BIRC5: variants seen among roughly 807,000 people sequenced by gnomAD.
The protein encoded by BIRC5 is baculoviral IAP repeat-containing protein 5.
A neutral mutation model predicts 15.8 loss-of-function variants in BIRC5; 8 were observed. The ratio of observed to expected loss-of-function variants is 0.51; its 90% confidence interval spans 0.30 to 0.91. The LOEUF (loss-of-function observed/expected upper bound fraction) is 0.91, where lower values mean the gene tolerates loss of function less well. Ranked by LOEUF, BIRC5 falls within the 40% of genes least tolerant of loss-of-function variation. The pLI is 0.07. For missense variants in BIRC5, 163 were observed against 178.6 expected (o/e 0.91, Z 0.50); for synonymous variants, 56 against 64.5 (o/e 0.87, Z 0.63).
chr17:78,221,985 C>T (rs774744226), intron 3 of BIRC5, among the ~76,000 whole-genome samples: 5 of 151,400 alleles, frequency 3.3e-5, no homozygotes, highest in African/African-American at 4.9e-5. Context: ...TTCATTGAGC[C>T]CAGGAGTTTT....
chr17:78,216,248 C>CA lies in BIRC5; in HGVS notation c.222-400dup, dbSNP rs55850455. 3.9e-3 allele frequency: 354 copies of CA among 89,698 alleles called. 1 individual carries two copies. Among genetic ancestry groups the CA allele is most frequent in the Middle Eastern group, 0.018 (2 of 112 alleles). 5.6% of individuals were successfully genotyped at this position (89,698 alleles called of 1,614,324 possible). On this transcript the variant is annotated intron_variant, in intron 2 of 3. Transcript: ENST00000350051. ...TGGGCGACAGAATGAGACTCCGTCT[C>CA]AAAAAAAAAAAAAAAAGAAAAAAAT...
Position 78,221,158 on chromosome 17 carries a change from T to C in BIRC5, c.340-2307T>C, listed in dbSNP as rs527909284. Among the ~76,000 whole-genome samples the C allele has an allele frequency of 7.2e-5, 11 of 152,370 alleles. 2 individuals are homozygous for C. The South Asian group carries it at 2.3e-3, about 32-fold the overall frequency. ...TAATGTGGAAATAAACTGAACAACT[T>C]AGTTCTTCATAAGAGTTTACTTGGT... On this transcript the variant is annotated intron_variant, in intron 3 of 3. Transcript: ENST00000350051.
At chr17:78,217,305 A>C (rs1333957946) in intron 3 of BIRC5, among the ~76,000 whole-genome samples, 3 of 150,800 alleles carry the variant, frequency 2.0e-5, no homozygotes, top group Admixed American at 6.6e-5. Flanking sequence ...CCTCCCAAGT[A>C]GCCGAGATTA....
At chr17:78,218,172 G>A (rs1446481107) in intron 3 of BIRC5, among the ~76,000 whole-genome samples, 2 of 151,542 alleles carry the variant, frequency 1.3e-5, no homozygotes, top group East Asian at 1.9e-4. Flanking sequence ...GAGTGTGGCC[G>A]GTATAAGTAT....
chr17:78,218,684 G>C (rs1293603524), intron 3 of BIRC5, among the ~76,000 whole-genome samples: 8 of 144,534 alleles, frequency 5.5e-5, no homozygotes, highest in East Asian at 2.1e-4. Context: ...CTCACTACAA[G>C]CTCCGCCTCC....
intron 3 of BIRC5, among the ~76,000 whole-genome samples, chr17:78,217,752 C>A (rs923138437): frequency 6.0e-4 from 92 of 152,066 alleles, no homozygotes; most frequent in Middle Eastern, 3.4e-3. Flanking sequence ...CTGCCTCGGC[C>A]TCCCAAAGTG....
chr17:78,216,841 C>T, intron 3 of BIRC5, 60 bp downstream of exon 3: 3 of 1,321,166 alleles, frequency 2.3e-6, no homozygotes, highest in East Asian at 4.7e-5. Flanking sequence ...ACTAAACTAC[C>T]TAGTCCCTCA....
In BIRC5 at chr17:78,214,275, A is replaced by G. The variant is rs1481884677; in HGVS notation, c.-42A>G. 1 of 1,559,730 alleles carries G rather than the reference A, an allele frequency of 6.4e-7. No individual in the cohort carries two copies. Among genetic ancestry groups the G allele is most frequent in the East Asian group, 2.3e-5 (1 of 43,078 alleles). On this transcript the variant is annotated 5_prime_UTR_variant, in exon 1 of 4. Transcript: ENST00000350051. ...CCCGCGGCGCGCCATTAACCGCCAG[A>G]TTTGAATCGCGGGACCCGTTGGCAG...
chr17:78,219,754 G>A (rs1039907178), intron 3 of BIRC5, among the ~76,000 whole-genome samples: 3 of 152,170 alleles, frequency 2.0e-5, no homozygotes, highest in African/African-American at 7.2e-5. Flanking sequence ...CAACCTTTTA[G>A]AAACATAAAA....
intron 3 of BIRC5, among the ~76,000 whole-genome samples, chr17:78,218,833 C>T (rs1295476117): frequency 6.6e-6 from 1 of 152,106 alleles, no homozygotes; most frequent in East Asian, 1.9e-4. Flanking sequence ...TCTCAAACTC[C>T]TGACCTCAAG....
At position 78,214,364 on chromosome 17, in the gene BIRC5, C is replaced by G. The variant is rs1275907530; in HGVS notation, c.48C>G (p.Asp16Glu). Reference protein sequence around the residue: ...LPPAWQPFLKDHRISTFKNWP... With the variant: ...LPPAWQPFLKEHRISTFKNWP... ...CTGCCTGGCAGCCCTTTCTCAAGGA[C>G]CACCGCATCTCTACATTCAAGAACT... The change falls in exon 1 of 4, where the codon GAC becomes GAG. Residue 16 changes from aspartate to glutamate, a missense_variant. Asp to Glu is a conservative substitution (Grantham distance 45). Coordinates refer to ENST00000350051, the MANE Select transcript of BIRC5 (RefSeq NM_001168.3). 1 of 1,608,456 alleles carries G rather than the reference C, an allele frequency of 6.2e-7. No homozygotes were observed. Among genetic ancestry groups the G allele is most frequent in the Non-Finnish European group, 8.5e-7 (1 of 1,177,804 alleles).
intron 3 of BIRC5, among the ~76,000 whole-genome samples, chr17:78,222,498 C>G (rs577002973): frequency 2.0e-5 from 3 of 151,898 alleles, no homozygotes; most frequent in Admixed American, 6.6e-5. Flanking sequence ...GAGACCCCAT[C>G]TCTACTAAAA....
At position 78,220,744 on chromosome 17, in the gene BIRC5, C is replaced by T. The variant is rs1036739187; in HGVS notation, c.340-2721C>T. 4.6e-5 allele frequency among the ~76,000 whole-genome samples: 7 copies of T among 151,842 alleles called. No individual in the cohort carries two copies. The East Asian group carries it at 7.7e-4, about 17-fold the overall frequency. On this transcript the variant is annotated intron_variant, in intron 3 of 3. Transcript: ENST00000350051. ...TCTTTTTTTTGTTGTTTTTTTGAGA[C>T]GGGGTCTTACTCTGTCACCCAGGCT... is the stretch of plus-strand genomic sequence containing the variant.
At chr17:78,217,749 G>A (rs562477300) in intron 3 of BIRC5, among the ~76,000 whole-genome samples, 19 of 146,790 alleles carry the variant, frequency 1.3e-4, no homozygotes, top group Non-Finnish European at 2.6e-4. Flanking sequence ...TGCCTGCCTC[G>A]GCCTCCCAAA....
rs1029124721 is a variant in BIRC5, at chr17:78,225,487, C to T, written c.*1933C>T. 1.1e-4 allele frequency: 16 copies of T among 152,308 alleles called. No homozygotes were observed. The highest frequency in any genetic ancestry group is 2.4e-4 in the African/African-American group (10 of 41,544). 9.4% of individuals were successfully genotyped at this position (152,308 alleles called of 1,614,324 possible). On this transcript the variant is annotated 3_prime_UTR_variant, in exon 4 of 4. Coordinates refer to ENST00000350051, the MANE Select transcript of BIRC5 (RefSeq NM_001168.3). ...GTTCCAATGGCAGGTTAGAGCCCCT[C>T]GGGCCAACTGCCATCCTGGAAAGTA...
chr17:78,215,851 C>G (rs1241864354), intron 2 of BIRC5: 1 of 1,045,006 alleles, frequency 9.6e-7, no homozygotes, highest in African/African-American at 1.7e-5. Context: ...GTTCTGGTAA[C>G]GGTGATAGTC....
intron 3 of BIRC5, among the ~76,000 whole-genome samples, chr17:78,221,025 G>A (rs1407687640): frequency 6.6e-6 from 1 of 152,232 alleles, no homozygotes; most frequent in East Asian, 1.9e-4. Flanking sequence ...GGCCATCCAG[G>A]GCGATGCATT....
chr17:78,214,343 C>T lies in BIRC5; in HGVS notation c.27C>T (p.Ala9=), dbSNP rs1464124857. The part of the protein sequence containing the change: MGAPTLPP[A]WQPFLKDHRI... Reference sequence around the variant, plus strand: ...TGGGTGCCCCGACGTTGCCCCCTGCCTGGCAGCCCTTTCTCAAGGACCACC... The same window carrying T: ...TGGGTGCCCCGACGTTGCCCCCTGCTTGGCAGCCCTTTCTCAAGGACCACC... Residue 9 remains alanine, a synonymous_variant, in exon 1 of 4, where the codon GCC becomes GCT. Transcript: ENST00000350051. 2 of 1,609,154 alleles carry T rather than the reference C, an allele frequency of 1.2e-6. No homozygotes were observed. The highest frequency in any genetic ancestry group is 3.4e-5 in the Admixed American group (2 of 59,474).
chr17:78,223,508 C>G lies in BIRC5; in HGVS notation c.383C>G (p.Ala128Gly). 1 of 1,608,978 alleles carries G rather than the reference C, an allele frequency of 6.2e-7. No individual in the cohort carries two copies. The highest frequency in any genetic ancestry group is 8.5e-7 in the Non-Finnish European group (1 of 1,177,862). Residue 128 changes from alanine (A) to glycine (G), a missense_variant, in exon 4 of 4, where the codon GCG becomes GGG. By Grantham distance (60) the Ala-to-Gly change is moderately conservative. Coordinates refer to ENST00000350051, the MANE Select transcript of BIRC5 (RefSeq NM_001168.3). ...NNKKKEFEET[A>G]EKVRRAIEQL... ...AAGAAGAAAGAATTTGAGGAAACTG[C>G]GGAGAAAGTGCGCCGTGCCATCGAG... is the stretch of plus-strand genomic sequence containing the variant.
Sources: allele counts gnomAD v4.1 joint callset (sites outside exome capture counted in the v4.1 genomes callset), GRCh38; gene constraint gnomAD v4.1.1; transcripts MANE v1.5; gene names NCBI Gene and HGNC (gene_info 2026-07-23, HGNC 2026-07-21).